DYNC2H1: variants seen among roughly 807,000 people sequenced by gnomAD.
The protein encoded by DYNC2H1 is cytoplasmic dynein 2 heavy chain 1.
In DYNC2H1, 410 loss-of-function variants were observed where a neutral mutation model predicts 570.0. The observed-to-expected ratio is 0.72, with a 90% CI of 0.66 to 0.78. The LOEUF is 0.78. Ranked by LOEUF, DYNC2H1 falls within the 30% of genes least tolerant of loss-of-function variation. DYNC2H1 has a pLI of 0.00. For missense variants in DYNC2H1, 4,865 were observed against 5,046.4 expected, an observed-to-expected ratio of 0.96 and a Z score of 1.09; for synonymous variants, 1,688 against 1,677.6, an observed-to-expected ratio of 1.01 and a Z score of -0.15.
chr11:103,455,145 A>AGT (rs761977280), intron 85 of DYNC2H1, 41 bp from the exon 86 acceptor site: 17 of 1,439,972 alleles, frequency 1.2e-5, no homozygotes, highest in Non-Finnish European at 1.6e-5. Flanking sequence ...TTGACTTATA[A>AGT]GTGTGTGTGT....
Position 103,249,304 on chromosome 11 carries a change from T to C in DYNC2H1, c.10042+3930T>C, listed in dbSNP as rs567847766. Among the ~76,000 whole-genome samples the C allele has an allele frequency of 6.6e-6, 1 of 152,078 alleles. No homozygotes were observed. Among genetic ancestry groups the C allele is most frequent in the East Asian group, 1.9e-4 (1 of 5,174 alleles). On this transcript the variant is annotated intron_variant, in intron 65 of 88. Transcript: ENST00000375735. This position sits in a 1 kb window ranked among gnomAD's most constrained non-coding sequence, Gnocchi z 4.6. ...ATACAGAAGTGCAGCAGCATTCTGT[T>C]CCTCCCCTCCCATGACTAGTTCTAC... is the stretch of plus-strand genomic sequence containing the variant.
At chr11:103,172,068 C>T (rs1861597968) in intron 34 of DYNC2H1, among the ~76,000 whole-genome samples, 1 of 152,028 alleles carries the variant, frequency 6.6e-6, no homozygotes, top group African/African-American at 2.4e-5. Context: ...TATAAAATAA[C>T]ATTTTAACAG....
chr11:103,137,845 C>A (rs1020606126), intron 17 of DYNC2H1, among the ~76,000 whole-genome samples: 5 of 151,514 alleles, frequency 3.3e-5, no homozygotes, highest in African/African-American at 1.2e-4. Context: ...GATGTTGATT[C>A]TTCCTACCCA....
intron 43 of DYNC2H1, 96 bp from the exon 44 acceptor site, chr11:103,188,401 C>T (rs1862162244): frequency 1.1e-6 from 1 of 883,440 alleles, no homozygotes; most frequent in Non-Finnish European, 1.7e-6. Context: ...ATGATGATTG[C>T]ATTTAGAAAT....
At chr11:103,474,416 ATT>A (rs544241840) in intron 88 of DYNC2H1, among the ~76,000 whole-genome samples, 93 of 152,298 alleles carry the variant, frequency 6.1e-4, no homozygotes, top group Non-Finnish European at 7.8e-4. Context: ...TGATGAATAT[ATT>A]TTGTTTTGTC....
chr11:103,245,144 T>C lies in DYNC2H1; in HGVS notation c.9919-107T>C, dbSNP rs1031902778. Reference sequence around the variant, plus strand: ...AATTTATTACCTATAGAATCTGAAATTGTGTTTCTATAACATTTTGAAATT... The same window carrying C: ...AATTTATTACCTATAGAATCTGAAACTGTGTTTCTATAACATTTTGAAATT... On this transcript the variant is annotated intron_variant, in intron 64 of 88. Coordinates refer to ENST00000375735, the MANE Select transcript of DYNC2H1 (RefSeq NM_001377.3). The surrounding 1 kb of genome is among the most constrained non-coding windows in gnomAD (Gnocchi z 4.5). 1.4e-5 allele frequency: 14 copies of C among 975,094 alleles called. No individual in the cohort carries two copies. Among genetic ancestry groups the C allele is most frequent in the Non-Finnish European group, 2.0e-5 (14 of 684,422 alleles). The allele number at this position is 975,094 out of a possible 1,614,324, so 60.4% of individuals were successfully genotyped here. A position where few individuals can be genotyped will look rare whatever the true frequency, so the allele number is the denominator to read the frequency against.
chr11:103,143,193 T>A, intron 17 of DYNC2H1, 75 bp from the exon 18 acceptor site: 1 of 1,493,256 alleles, frequency 6.7e-7, no homozygotes, highest in Non-Finnish European at 9.1e-7. Flanking sequence ...GTTTTAATAG[T>A]TGAATCCTAT....
intron 82 of DYNC2H1, among the ~76,000 whole-genome samples, chr11:103,336,286 A>G (rs1401386399): frequency 2.0e-5 from 3 of 152,184 alleles, no homozygotes; most frequent in East Asian, 3.8e-4. Flanking sequence ...ACTTTTTTGC[A>G]TTGAGAACAT....
At chr11:103,409,015 T>C (rs1486401176) in intron 84 of DYNC2H1, among the ~76,000 whole-genome samples, 24 of 152,054 alleles carry the variant, frequency 1.6e-4, no homozygotes, top group Admixed American at 1.6e-3. Flanking sequence ...TGGCCATTTA[T>C]ACAAGTCCCT....
At chr11:103,382,035 T>C (rs1941670260) in intron 83 of DYNC2H1, among the ~76,000 whole-genome samples, 1 of 152,232 alleles carries the variant, frequency 6.6e-6, no homozygotes, top group African/African-American at 2.4e-5. Context: ...TAATCTTCTT[T>C]AGTATTCTAC....
rs771864564 is a variant in DYNC2H1 at position 103,234,095 on chromosome 11, A to G, written c.9502A>G (p.Thr3168Ala). 6 of 1,571,296 alleles carry G rather than the reference A, an allele frequency of 3.8e-6. No individual in the cohort carries two copies. The Admixed American group carries it at 7.5e-5, about 20-fold the overall frequency. The change falls in exon 61 of 89, where the codon ACA becomes GCA. Residue 3168 changes from threonine (T) to alanine (A), a missense_variant. Physicochemically the swap from Thr to Ala is moderately conservative, Grantham distance 58. Transcript: ENST00000375735. The part of the protein sequence containing the change: ...LEAEVSKAQE[T>A]IKAAEVLINQ... ...GGCTGAAGTAAGCAAGGCACAAGAA[A>G]CAATCAAAGCTGCAGAAGTCTTAAT...
chr11:103,206,462 T>C (rs1288848570), intron 52 of DYNC2H1, among the ~76,000 whole-genome samples: 2 of 151,958 alleles, frequency 1.3e-5, no homozygotes, highest in Non-Finnish European at 2.9e-5. Context: ...AGGTGATATT[T>C]AAAGCTATAA....
chr11:103,476,684 C>G (rs1945559449), intron 88 of DYNC2H1, among the ~76,000 whole-genome samples: 1 of 151,918 alleles, frequency 6.6e-6, no homozygotes, highest in Non-Finnish European at 1.5e-5. Context: ...TTTTGGGGGA[C>G]ATACTGATTT....
At position 103,286,256 on chromosome 11, in the gene DYNC2H1, T is replaced by C; in HGVS notation, c.10892T>C (p.Ile3631Thr). Residue 3631 changes from isoleucine (I) to threonine (T), a missense_variant and splice_region_variant, in exon 74 of 89, where the codon ATT (isoleucine) becomes ACT (threonine). Ile to Thr is a moderately conservative substitution (Grantham distance 89). Around this residue, in one of 5 missense-constraint regions of DYNC2H1, gnomAD observed 2,401 missense variants for 2,454.6 expected, o/e 0.98. Coordinates refer to ENST00000375735, the MANE Select transcript of DYNC2H1 (RefSeq NM_001377.3). ...ERSWAVATLKIALPSLYQTLC... is the reference protein window; with the variant it reads ...ERSWAVATLKTALPSLYQTLC... ...TATATGGCCATTTTTATTTTTTAGA[T>C]TGCTCTCCCCAGTCTTTATCAGACC... The C allele has an allele frequency of 6.2e-7, 1 of 1,612,868 alleles. No individual in the cohort carries two copies. Among genetic ancestry groups the C allele is most frequent in the Middle Eastern group, 1.7e-4 (1 of 6,058 alleles).
At chr11:103,356,565 G>C (rs1342761335) in intron 82 of DYNC2H1, among the ~76,000 whole-genome samples, 1 of 152,150 alleles carries the variant, frequency 6.6e-6, no homozygotes, top group Non-Finnish European at 1.5e-5. Context: ...ATAAGTGACA[G>C]CAAAACTTGA....
chr11:103,390,234 C>A (rs1942079590), intron 83 of DYNC2H1, among the ~76,000 whole-genome samples: 1 of 151,994 alleles, frequency 6.6e-6, no homozygotes, highest in Admixed American at 6.6e-5. Context: ...TTGTATGGAT[C>A]CCTTTACCAT....
At position 103,125,191 on chromosome 11, in the gene DYNC2H1, G is replaced by C; in HGVS notation, c.1753G>C (p.Glu585Gln). The change falls in exon 12 of 89, where the codon GAA becomes CAA. Residue 585 changes from glutamate (E) to glutamine (Q), a missense_variant. Physicochemically the swap from Glu to Gln is conservative, Grantham distance 29. Coordinates refer to ENST00000375735, the MANE Select transcript of DYNC2H1 (RefSeq NM_001377.3). ...YSDRLVILLR[E>Q]VRQLSALGFV... ...AGATCGTTTGGTGATTCTTCTGAGAGAAGTTCGTCAGCTCTCTGCACTTGG... is the reference window on the plus strand; with the variant it reads ...AGATCGTTTGGTGATTCTTCTGAGACAAGTTCGTCAGCTCTCTGCACTTGG... 1 of 1,613,628 alleles carries C rather than the reference G, an allele frequency of 6.2e-7. No homozygotes were observed. The highest frequency in any genetic ancestry group is 8.5e-7 in the Non-Finnish European group (1 of 1,179,742).
chr11:103,402,658 T>G (rs576074675), intron 84 of DYNC2H1: 1 of 152,112 alleles, frequency 6.6e-6, no homozygotes, highest in South Asian at 2.1e-4. Flanking sequence ...TATGGCGAAT[T>G]TGAGAATGGT....
At chr11:103,408,765 T>C (rs1591703829) in intron 84 of DYNC2H1, among the ~76,000 whole-genome samples, 1 of 152,040 alleles carries the variant, frequency 6.6e-6, no homozygotes, top group East Asian at 1.9e-4. Flanking sequence ...TCAGTTAAAT[T>C]ATTGGGTCAA....
Sources: gnomAD v4.1 joint callset for allele counts (sites outside exome capture counted in the v4.1 genomes callset) on GRCh38, gnomAD v4.1.1 for gene constraint, gnomAD v4.1.1 regional missense constraint, Gnocchi (gnomAD v3.1) non-coding constraint, MANE v1.5 for transcripts, NCBI Gene and HGNC (gene_info 2026-07-23, HGNC 2026-07-21) for gene names.